SLC5A8: variants seen among roughly 807,000 people sequenced by gnomAD.
SLC5A8 encodes solute carrier family 5 member 8.
SLC5A8 carries 55 observed loss-of-function variants against 71.9 expected under a neutral mutation model. The ratio of observed to expected loss-of-function variants is 0.77; its 90% CI spans 0.62 to 0.96. SLC5A8 has a LOEUF of 0.96. Ranked by LOEUF, SLC5A8 falls within the 40% of genes least tolerant of loss-of-function variation. The pLI, the probability that SLC5A8 is intolerant of heterozygous loss-of-function variation, is 0.00. For missense variants in SLC5A8, 701 were observed against 745.3 expected (o/e 0.94, Z 0.69); for synonymous variants, 307 against 276.1 (o/e 1.11, Z -1.11).
chr12:101,160,393 T>C (rs977068911), intron 13 of SLC5A8, among the ~76,000 whole-genome samples: 1 of 152,224 alleles, frequency 6.6e-6, no homozygotes, highest in East Asian at 1.9e-4. Flanking sequence ...TGAGAGACAG[T>C]GCTATCTCAG....
chr12:101,185,649 G>T (rs1260260635), intron 7 of SLC5A8, among the ~76,000 whole-genome samples: 2 of 152,074 alleles, frequency 1.3e-5, no homozygotes, highest in African/African-American at 4.8e-5. Context: ...CTCGATCTCG[G>T]CTCACTGCAA....
intron 3 of SLC5A8, among the ~76,000 whole-genome samples, chr12:101,200,289 T>C (rs1262120835): frequency 6.6e-6 from 1 of 152,022 alleles, no homozygotes; most frequent in Non-Finnish European, 1.5e-5. Flanking sequence ...AAATAGTCTA[T>C]ATCTTGAGCG....
At chr12:101,172,974 G>A (rs1013955349) in intron 10 of SLC5A8, among the ~76,000 whole-genome samples, 12 of 152,046 alleles carry the variant, frequency 7.9e-5, no homozygotes, top group East Asian at 1.9e-4. Flanking sequence ...ATGCCTAAGC[G>A]CCACAGTGGC....
chr12:101,177,479 G>A (rs7958369), intron 10 of SLC5A8, among the ~76,000 whole-genome samples: 12,187 of 133,916 alleles, frequency 0.091, 609 homozygotes, highest in Admixed American at 0.15. Context: ...ACACACACAC[G>A]CATGCATGCA....
In SLC5A8 at chr12:101,166,568, G is replaced by T. The variant is rs1336820765; in HGVS notation, c.1452C>A (p.Tyr484Ter). 1 of 1,613,980 alleles carries T rather than the reference G, an allele frequency of 6.2e-7. No homozygotes were observed. Among genetic ancestry groups the T allele is most frequent in the Non-Finnish European group, 8.5e-7 (1 of 1,179,942 alleles). The change falls in exon 12 of 15, where the codon TAC (tyrosine) becomes TAA (stop). Residue 484 changes from tyrosine to a stop codon, truncating the protein, a stop_gained. Coordinates refer to ENST00000536262, the MANE Select transcript of SLC5A8 (RefSeq NM_145913.5). LOFTEE classifies it high-confidence loss of function. ...HLDIQGCNST[Y>*]NETNLMTTTE... ...TGGTTGTCATCAAATTTGTCTCATT[G>T]TAGGTGCTGTTACAGCCTTGGATAT...
At chr12:101,170,554 C>CA (rs940799932) in intron 10 of SLC5A8, among the ~76,000 whole-genome samples, 9 of 151,904 alleles carry the variant, frequency 5.9e-5, no homozygotes, top group Admixed American at 5.2e-4. Flanking sequence ...CAGACACAGG[C>CA]AAAAAAACTT....
At chr12:101,187,638 G>T in intron 6 of SLC5A8, 123 bp from the exon 7 acceptor site, 1 of 1,047,934 alleles carries the variant, frequency 9.5e-7, no homozygotes, top group Non-Finnish European at 1.3e-6. Context: ...ATTATCTTTT[G>T]ATTATCGAAA....
chr12:101,158,142 C>A (rs1468220702), intron 14 of SLC5A8, 107 bp downstream of exon 14: 6 of 799,652 alleles, frequency 7.5e-6, no homozygotes, highest in Admixed American at 2.2e-5. Flanking sequence ...AGGGTCTATA[C>A]CTTCCTTGTC....
At chr12:101,171,737 C>A (rs1050276025) in intron 10 of SLC5A8, among the ~76,000 whole-genome samples, 1 of 152,124 alleles carries the variant, frequency 6.6e-6, no homozygotes, top group Non-Finnish European at 1.5e-5. Flanking sequence ...TGAAGGCATG[C>A]CCAGCAGGCT....
chr12:101,199,564 T>C (rs1462366305), intron 3 of SLC5A8, among the ~76,000 whole-genome samples: 2 of 152,140 alleles, frequency 1.3e-5, no homozygotes, highest in South Asian at 2.1e-4. Context: ...AGCTAAGCCA[T>C]AATAGTCATA....
chr12:101,163,168 T>C (rs554206958), intron 12 of SLC5A8, among the ~76,000 whole-genome samples: 11 of 152,188 alleles, frequency 7.2e-5, no homozygotes, highest in Admixed American at 2.0e-4. Flanking sequence ...CAGGCATGAG[T>C]TGGAATTTTA....
intron 12 of SLC5A8, among the ~76,000 whole-genome samples, chr12:101,164,042 A>G (rs2051746331): frequency 6.6e-6 from 1 of 152,238 alleles, no homozygotes; most frequent in African/African-American, 2.4e-5. Context: ...TATCTTTATG[A>G]TTGCAGGGTA....
At chr12:101,195,194 G>A in intron 3 of SLC5A8, 32 bp from the exon 4 acceptor site, 2 of 1,597,200 alleles carry the variant, frequency 1.3e-6, no homozygotes, top group Non-Finnish European at 1.7e-6. Flanking sequence ...ATATATAATT[G>A]TGAAATATGC....
chr12:101,183,035 CTTTTTTTTTTTT>C (rs34182928), intron 8 of SLC5A8, 120 bp from the exon 9 acceptor site: 165 of 74,580 alleles, frequency 2.2e-3, no homozygotes, highest in African/African-American at 2.8e-3. Context: ...TTCTACTATG[CTTTTTTTTTTTT>C]TTTTTTTTTT....
Position 101,204,631 on chromosome 12 carries a change from G to A in SLC5A8, c.352-66C>T, listed in dbSNP as rs537871943. The stretch of plus-strand genomic sequence containing the variant: ...TTTTTTAAAATCAGCAGCTCAAGAA[G>A]AAAATTTAAATTTAGAAATGTAAAG... On this transcript the variant is annotated intron_variant, in intron 1 of 14. Transcript: ENST00000536262. 1,217 of 1,117,626 alleles carry A rather than the reference G, an allele frequency of 1.1e-3. 12 individuals carry two copies. The South Asian group carries it at 0.012, about 11-fold the overall frequency. The allele number at this position is 1,117,626 out of a possible 1,614,324, so 69.2% of individuals were successfully genotyped here. A position where few individuals can be genotyped will look rare whatever the true frequency, so the allele number is the denominator to read the frequency against.
intron 12 of SLC5A8, among the ~76,000 whole-genome samples, chr12:101,164,540 C>G (rs2051751394): frequency 6.6e-6 from 1 of 152,202 alleles, no homozygotes; most frequent in Non-Finnish European, 1.5e-5. Flanking sequence ...TGTGCTCCAG[C>G]CCTATGGAAC....
chr12:101,176,823 C>T (rs1461652626), intron 10 of SLC5A8, among the ~76,000 whole-genome samples: 1 of 151,908 alleles, frequency 6.6e-6, no homozygotes, highest in Non-Finnish European at 1.5e-5. Flanking sequence ...TAAATGCACA[C>T]ATTAGAAAAG....
At chr12:101,201,508 G>A (rs2137168143) in intron 3 of SLC5A8, among the ~76,000 whole-genome samples, 1 of 152,296 alleles carries the variant, frequency 6.6e-6, no homozygotes, top group Admixed American at 6.5e-5. Context: ...AGGGCATGGT[G>A]TTTCCCCAAA....
chr12:101,179,964 G>A, intron 10 of SLC5A8, 65 bp downstream of exon 10: 1 of 1,541,864 alleles, frequency 6.5e-7, no homozygotes, highest in East Asian at 2.2e-5. Flanking sequence ...TGGAAGGATG[G>A]TCACATCAAC....
Sources: allele counts gnomAD v4.1 joint callset (sites outside exome capture counted in the v4.1 genomes callset), GRCh38; gene constraint gnomAD v4.1.1; transcripts MANE v1.5; gene names NCBI Gene and HGNC (gene_info 2026-07-23, HGNC 2026-07-21).